HADHA: variants seen among roughly 807,000 people sequenced by gnomAD.
HADHA encodes the protein hydroxyacyl-CoA dehydrogenase trifunctional multienzyme complex subunit alpha, also known as trifunctional enzyme subunit alpha, mitochondrial.
Under a neutral mutation model 91.3 loss-of-function variants are expected in HADHA, and 59 were observed. The ratio of observed to expected loss-of-function variants is 0.65; its 90% CI spans 0.52 to 0.80. The LOEUF (loss-of-function observed/expected upper bound fraction) is 0.80. Among genes scored for constraint, HADHA ranks in the 30% least tolerant of loss-of-function variants. The pLI, the probability that HADHA is intolerant of heterozygous loss-of-function variation, is 0.00. For missense variants in HADHA, 800 were observed against 927.6 expected (o/e 0.86, Z 1.79); for synonymous variants, 320 against 338.9 (o/e 0.94, Z 0.61).
intron 9 of HADHA, among the ~76,000 whole-genome samples, chr2:26,213,046 A>G (rs772313578): frequency 5.9e-5 from 9 of 152,244 alleles, no homozygotes; most frequent in Non-Finnish European, 8.8e-5. Context: ...AATGGCAAAT[A>G]TAAAAGATGA....
At chr2:26,236,286 T>C (rs1670748708) in intron 4 of HADHA, among the ~76,000 whole-genome samples, 1 of 151,762 alleles carries the variant, frequency 6.6e-6, no homozygotes, top group African/African-American at 2.4e-5. Flanking sequence ...GGACCAAACA[T>C]CCTTGTACAC....
rs1670101601 is a variant in HADHA, at chr2:26,211,550, A to G, written c.975+1020T>C. On this transcript the variant is annotated intron_variant, in intron 10 of 19. Transcript: ENST00000380649. The stretch of plus-strand genomic sequence containing the variant: ...GGCTATGTGTATAAGGTGTATATGA[A>G]ATTAATTTCATGTTTAGACTCTGAT... Among the ~76,000 whole-genome samples the G allele has an allele frequency of 2.0e-5, 3 of 152,190 alleles. No homozygotes were observed. In the South Asian group the frequency reaches 6.2e-4, roughly 32 times the overall value.
chr2:26,211,485 T>C (rs1670099730), intron 10 of HADHA, among the ~76,000 whole-genome samples: 1 of 152,206 alleles, frequency 6.6e-6, no homozygotes, highest in African/African-American at 2.4e-5. Context: ...AACTGTTTTA[T>C]GTGAAAAATT....
At chr2:26,237,080 A>G (rs1670781226) in intron 3 of HADHA, 92 bp from the exon 4 acceptor site, 1 of 914,522 alleles carries the variant, frequency 1.1e-6, no homozygotes, top group Admixed American at 1.7e-5. Context: ...TATAAGAAAT[A>G]TACTTATCCG....
At chr2:26,225,844 T>C (rs930258691) in intron 7 of HADHA, among the ~76,000 whole-genome samples, 1 of 152,156 alleles carries the variant, frequency 6.6e-6, no homozygotes, top group Admixed American at 6.5e-5. Context: ...GTCTTAGACA[T>C]TGTGGTAAGT....
At chr2:26,205,166 C>A (rs770804056) in intron 11 of HADHA, among the ~76,000 whole-genome samples, 3 of 151,964 alleles carry the variant, frequency 2.0e-5, no homozygotes, top group Non-Finnish European at 4.4e-5. Flanking sequence ...CATTTTAGTT[C>A]CCTATAGTTC....
At chr2:26,198,089 C>T (rs557453402) in intron 13 of HADHA, among the ~76,000 whole-genome samples, 20 of 152,294 alleles carry the variant, frequency 1.3e-4, no homozygotes, top group South Asian at 2.1e-4. Flanking sequence ...ACTGAAAAGA[C>T]GGCCTTGAAT....
chr2:26,206,041 C>T (rs1669962488), intron 11 of HADHA, among the ~76,000 whole-genome samples: 1 of 152,000 alleles, frequency 6.6e-6, no homozygotes, highest in Non-Finnish European at 1.5e-5. Context: ...TAGCTCATGC[C>T]TGTAATCCTA....
chr2:26,237,774 T>A (rs1428325617), intron 3 of HADHA, among the ~76,000 whole-genome samples: 1 of 152,262 alleles, frequency 6.6e-6, no homozygotes, highest in Non-Finnish European at 1.5e-5. Flanking sequence ...TTCTTCTTTA[T>A]AATTTTTTAT....
At chr2:26,194,247 T>C (rs368278562) in intron 16 of HADHA, among the ~76,000 whole-genome samples, 12 of 152,234 alleles carry the variant, frequency 7.9e-5, no homozygotes, top group African/African-American at 1.9e-4. Flanking sequence ...GCAGCACCAG[T>C]TGAACCAAGC....
At chr2:26,212,331 C>A in intron 10 of HADHA, 1 of 505,878 alleles carries the variant, frequency 2.0e-6, no homozygotes. Context: ...AAACGATCTG[C>A]CCACCTCGGC....
chr2:26,219,825 G>T (rs1373563298), intron 7 of HADHA, among the ~76,000 whole-genome samples: 1 of 152,200 alleles, frequency 6.6e-6, no homozygotes, highest in Non-Finnish European at 1.5e-5. Context: ...TAGATGGGCA[G>T]TCTACTAACT....
intron 7 of HADHA, among the ~76,000 whole-genome samples, chr2:26,220,668 G>A (rs114802672): frequency 0.012 from 1,764 of 152,342 alleles, 40 homozygotes; most frequent in African/African-American, 0.038. Flanking sequence ...TGACTGATCT[G>A]ACAAAAGCTT....
intron 3 of HADHA, among the ~76,000 whole-genome samples, chr2:26,237,350 G>C (rs1336178611): frequency 6.6e-6 from 1 of 152,228 alleles, no homozygotes; most frequent in Non-Finnish European, 1.5e-5. Flanking sequence ...ATATAGGCCA[G>C]GCATGGTGGC....
rs762684604 is a variant in HADHA at position 26,192,383 on chromosome 2, C to T, written c.1927G>A (p.Val643Met). ...GKGFYIYQEG[V>M]KRKDLNSDMD... is the part of the protein sequence containing the mutation. ...TCAGAATTCAAATCCTTCCTCTTCACACCCTCCTGATAGATGTAAAAGCCC... is the reference window on the plus strand; with the variant it reads ...TCAGAATTCAAATCCTTCCTCTTCATACCCTCCTGATAGATGTAAAAGCCC... The change falls in exon 18 of 20, where the codon GTG (valine) becomes ATG (methionine). Residue 643 changes from valine to methionine, a missense_variant. Coordinates refer to ENST00000380649, the MANE Select transcript of HADHA (RefSeq NM_000182.5). 33 of 1,608,604 alleles carry T rather than the reference C, an allele frequency of 2.1e-5. No individual in the cohort carries two copies. The highest frequency in any genetic ancestry group is 2.7e-5 in the Non-Finnish European group (32 of 1,175,074).
chr2:26,201,702 G>C (rs944375771), intron 12 of HADHA, among the ~76,000 whole-genome samples: 5 of 152,116 alleles, frequency 3.3e-5, no homozygotes, highest in Non-Finnish European at 5.9e-5. Flanking sequence ...CTATGACAGG[G>C]GAAGCAGCCA....
chr2:26,222,145 G>C (rs1192008559), intron 7 of HADHA, among the ~76,000 whole-genome samples: 1 of 152,070 alleles, frequency 6.6e-6, no homozygotes, highest in South Asian at 2.1e-4. Context: ...AATCTGACTG[G>C]TATCCTTATG....
chr2:26,207,547 A>G (rs747891675), intron 11 of HADHA, among the ~76,000 whole-genome samples: 32 of 152,184 alleles, frequency 2.1e-4, no homozygotes, highest in Non-Finnish European at 4.4e-4. Flanking sequence ...TGTAGAGTTA[A>G]ATTAACACAC....
intron 11 of HADHA, among the ~76,000 whole-genome samples, chr2:26,207,024 C>G (rs1361445619): frequency 2.0e-5 from 3 of 152,152 alleles, no homozygotes; most frequent in Non-Finnish European, 4.4e-5. Flanking sequence ...TTAGCAAGAA[C>G]TCATCTCTAC....
Sources: gnomAD v4.1 joint callset for allele counts (sites outside exome capture counted in the v4.1 genomes callset) on GRCh38, gnomAD v4.1.1 for gene constraint, MANE v1.5 for transcripts, NCBI Gene and HGNC (gene_info 2026-07-23, HGNC 2026-07-21) for gene names.